AADAT: variants seen among roughly 807,000 people sequenced by gnomAD.
The protein encoded by AADAT is kynurenine/alpha-aminoadipate aminotransferase, mitochondrial.
In AADAT, 25 loss-of-function variants were observed where a neutral mutation model predicts 56.2. The ratio of observed to expected loss-of-function variants is 0.44; its 90% CI spans 0.32 to 0.62. AADAT has a LOEUF of 0.62. Among genes scored for constraint, AADAT ranks in the 20% least tolerant of loss-of-function variants. AADAT has a pLI of 0.04. For missense variants in AADAT, 387 were observed against 510.5 expected, an observed-to-expected ratio of 0.76 and a Z score of 2.33; for synonymous variants, 173 against 164.7, an observed-to-expected ratio of 1.05 and a Z score of -0.39.
chr4:170,092,684 T>C (rs1732903416), upstream of AADAT, among the ~76,000 whole-genome samples: 1 of 152,224 alleles, frequency 6.6e-6, no homozygotes, highest in Non-Finnish European at 1.5e-5. Flanking sequence ...CTGGGTGTCT[T>C]TGGACAAGTT....
In AADAT at chr4:170,078,995, C is replaced by T. The variant is rs549064389; in HGVS notation, c.370-412G>A. On this transcript the variant is annotated intron_variant, in intron 3 of 12. Coordinates refer to ENST00000337664, the MANE Select transcript of AADAT (RefSeq NM_016228.4). ...GAAAATCTATTAAATGTTTACTATA[C>T]GCCAGGCCTGTGTAAAGTGTCAGAG... Among the ~76,000 whole-genome samples, 20 of 152,212 alleles carry T rather than the reference C, an allele frequency of 1.3e-4. No individual in the cohort carries two copies. The South Asian group carries it at 1.5e-3, about 11-fold the overall frequency.
intron 11 of AADAT, 27 bp from the exon 12 acceptor site, chr4:170,062,020 A>C: frequency 6.7e-7 from 1 of 1,497,318 alleles, no homozygotes; most frequent in South Asian, 1.2e-5. Flanking sequence ...AAGATAAGTA[A>C]TGTACCACTA....
In AADAT at chr4:170,089,807, G is replaced by A; in HGVS notation, c.-117C>T. 1 of 1,044,154 alleles carries A rather than the reference G, an allele frequency of 9.6e-7. No homozygotes were observed. Among genetic ancestry groups the A allele is most frequent in the Non-Finnish European group, 1.4e-6 (1 of 698,736 alleles). 64.7% of individuals were successfully genotyped at this position (1,044,154 alleles called of 1,614,324 possible). Reference sequence around the variant, plus strand: ...CACTCTGGCAACGCCACCGCGAGATGTGTCCCCCCGCTGCGTCTGGCTTCC... The same window carrying A: ...CACTCTGGCAACGCCACCGCGAGATATGTCCCCCCGCTGCGTCTGGCTTCC... On this transcript the variant is annotated 5_prime_UTR_variant, in exon 1 of 13. Transcript: ENST00000337664.
At chr4:170,088,685 T>C (rs956153937) in intron 1 of AADAT, 121 bp from the exon 2 acceptor site, 1 of 1,043,760 alleles carries the variant, frequency 9.6e-7, no homozygotes, top group African/African-American at 1.6e-5. Context: ...TAGAGTGTGC[T>C]ATGGTCTAAA....
At chr4:170,062,029 TA>T in intron 11 of AADAT, 36 bp from the exon 12 acceptor site, 1 of 1,445,134 alleles carries the variant, frequency 6.9e-7, no homozygotes, top group Non-Finnish European at 9.6e-7. Flanking sequence ...AATGTACCAC[TA>T]AAGAAAAACT....
In AADAT at chr4:170,078,593, G is replaced by T. The variant is rs138057619; in HGVS notation, c.370-10C>A. The T allele has an allele frequency of 8.0e-4, 1,270 of 1,593,222 alleles. 8 individuals are homozygous for T. The African/African-American group carries it at 0.014, about 17-fold the overall frequency. ...TGATCATTTCAAACACCTAACAAAA[G>T]AAGCATAGGTTAGCTTGTTAGTCAG... On this transcript the variant is annotated splice_polypyrimidine_tract_variant and intron_variant, in intron 3 of 12. Coordinates refer to ENST00000337664, the MANE Select transcript of AADAT (RefSeq NM_016228.4).
chr4:170,072,269 ATG>A (rs1050967969), intron 5 of AADAT, among the ~76,000 whole-genome samples: 23 of 144,532 alleles, frequency 1.6e-4, no homozygotes, highest in South Asian at 6.8e-4. Flanking sequence ...ATGTATATAT[ATG>A]TGTGTGTGTG....
rs138308610 is a variant in AADAT at position 170,073,331 on chromosome 4, G to A, written c.459C>T (p.Gly153=). 8.1e-6 allele frequency: 13 copies of A among 1,613,348 alleles called. No homozygotes were observed. In the African/African-American group the frequency reaches 1.6e-4, roughly 20 times the overall value. ...CACTGGCAACATTAATAATGTTGCAGCCCAGTGGGTGCAGCTGTTGAGCAC... is the reference window on the plus strand; with the variant it reads ...CACTGGCAACATTAATAATGTTGCAACCCAGTGGGTGCAGCTGTTGAGCAC... ...SGTLQSLHPL[G]CNIINVASDE... is the part of the protein sequence containing the mutation. The change falls in exon 5 of 13, where the codon GGC becomes GGT. Residue 153 remains glycine (G), a synonymous_variant. Transcript: ENST00000337664.
intron 5 of AADAT, 131 bp downstream of exon 5, chr4:170,073,005 G>T: frequency 1.3e-6 from 1 of 792,678 alleles, no homozygotes; most frequent in Non-Finnish European, 2.0e-6. Flanking sequence ...GAGCATATAT[G>T]ATTTCCTTTT....
In AADAT at chr4:170,073,270, T is replaced by C. The variant is rs1731861206; in HGVS notation, c.520A>G (p.Ile174Val). 4 of 1,614,028 alleles carry C rather than the reference T, an allele frequency of 2.5e-6. No individual in the cohort carries two copies. The highest frequency in any genetic ancestry group is 2.2e-5 in the East Asian group (1 of 44,892). ...TCTTCTGGTTTCCATCTGGAAAGTATGTCTCTTAGGGAATCTGGAACAATC... is the reference window on the plus strand; with the variant it reads ...TCTTCTGGTTTCCATCTGGAAAGTACGTCTCTTAGGGAATCTGGAACAATC... Reference protein sequence around the residue: ...SGIVPDSLRDILSRWKPEDAK... With the variant: ...SGIVPDSLRDVLSRWKPEDAK... Residue 174 changes from isoleucine to valine, a missense_variant, in exon 5 of 13, where the codon ATA becomes GTA. Physicochemically the swap from Ile to Val is conservative, Grantham distance 29. Coordinates refer to ENST00000337664, the MANE Select transcript of AADAT (RefSeq NM_016228.4).
At chr4:170,064,413 T>A (rs1183158970) in intron 11 of AADAT, among the ~76,000 whole-genome samples, 6 of 152,124 alleles carry the variant, frequency 3.9e-5, no homozygotes, top group African/African-American at 1.4e-4. Context: ...AGGCCACACA[T>A]CCCCTAAGGG....
intron 11 of AADAT, 68 bp from the exon 12 acceptor site, chr4:170,062,061 C>G: frequency 1.9e-6 from 2 of 1,059,836 alleles, no homozygotes; most frequent in South Asian, 3.2e-5. Flanking sequence ...ATAGTTAAGC[C>G]TAATCTCAGA....
chr4:170,078,468 TTAC>T (rs1199832299), intron 4 of AADAT, 38 bp downstream of exon 4: 6 of 1,204,444 alleles, frequency 5.0e-6, no homozygotes, highest in South Asian at 2.9e-5. Context: ...TTCTTCTTAT[TTAC>T]TACAAGAGAG....
chr4:170,077,011 T>C (rs1732070079), intron 4 of AADAT, among the ~76,000 whole-genome samples: 1 of 152,198 alleles, frequency 6.6e-6, no homozygotes, highest in African/African-American at 2.4e-5. Flanking sequence ...TGAAATCAAC[T>C]GGATTTGTGG....
Position 170,080,351 on chromosome 4 carries a change from C to T in AADAT, c.370-1768G>A, listed in dbSNP as rs80000206. Among the ~76,000 whole-genome samples, 30 of 152,262 alleles carry T rather than the reference C, an allele frequency of 2.0e-4. 1 individual carries two copies. The East Asian group carries it at 3.1e-3, about 16-fold the overall frequency. On this transcript the variant is annotated intron_variant, in intron 3 of 12. Coordinates refer to ENST00000337664, the MANE Select transcript of AADAT (RefSeq NM_016228.4). Reference sequence around the variant, plus strand: ...ACGTGGAAAAACTCCCCCTAATTCACGGCTTCTACACTGGAAAAAGTGAGA... The same window carrying T: ...ACGTGGAAAAACTCCCCCTAATTCATGGCTTCTACACTGGAAAAAGTGAGA...
upstream of AADAT, among the ~76,000 whole-genome samples, chr4:170,091,194 C>A (rs533046021): frequency 6.6e-5 from 10 of 152,288 alleles, no homozygotes; most frequent in Middle Eastern, 3.4e-3. Context: ...TAGCGGAGGC[C>A]GGAGCCGGCT....
rs1409783347 is a variant in AADAT, at chr4:170,060,695, A to T, written c.*233T>A. ...TCATTTCTTCCTGCCAAAACAAGAAATTTATTGGAAAAATCCATGAGCAGC... is the reference window on the plus strand; with the variant it reads ...TCATTTCTTCCTGCCAAAACAAGAATTTTATTGGAAAAATCCATGAGCAGC... On this transcript the variant is annotated 3_prime_UTR_variant, in exon 13 of 13. Coordinates refer to ENST00000337664, the MANE Select transcript of AADAT (RefSeq NM_016228.4). The T allele has an allele frequency of 2.7e-6, 1 of 366,458 alleles. No homozygotes were observed. Among genetic ancestry groups the T allele is most frequent in the Admixed American group, 4.6e-5 (1 of 21,600 alleles). 22.7% of individuals were successfully genotyped at this position (366,458 alleles called of 1,614,324 possible).
chr4:170,077,739 T>G (rs533724097), intron 4 of AADAT, among the ~76,000 whole-genome samples: 2 of 152,350 alleles, frequency 1.3e-5, no homozygotes, highest in South Asian at 4.1e-4. Context: ...ATTGTTTCCC[T>G]GTGGTTCCAG....
At chr4:170,087,039 G>T in intron 3 of AADAT, 77 bp downstream of exon 3, 1 of 1,532,048 alleles carries the variant, frequency 6.5e-7, no homozygotes, top group Admixed American at 2.0e-5. Flanking sequence ...ATAATTCTCT[G>T]TGGTTAAGTG....
Sources: gnomAD v4.1 joint callset for allele counts (sites outside exome capture counted in the v4.1 genomes callset) on GRCh38, gnomAD v4.1.1 for gene constraint, MANE v1.5 for transcripts, NCBI Gene and HGNC (gene_info 2026-07-23, HGNC 2026-07-21) for gene names.